The following PMEL variants were observed in gnomAD, a reference collection of about 807,000 sequenced individuals.
The protein encoded by PMEL is premelanosome protein, also known as melanocyte protein PMEL.
A neutral mutation model predicts 64.9 loss-of-function variants in PMEL; 53 were observed. That is an observed-to-expected ratio of 0.82 (90% CI 0.66 to 1.03). The LOEUF (loss-of-function observed/expected upper bound fraction) is 1.03, where lower values mean the gene tolerates loss of function less well. Ranked by LOEUF, PMEL falls within the 50% of genes least tolerant of loss-of-function variation. The probability of loss-of-function intolerance (pLI) is 0.00; values close to 1 mark genes in which losing one functional copy is unlikely to be tolerated. For synonymous variants in PMEL, 299 were observed against 316.2 expected (o/e 0.95, Z 0.58); for missense variants, 716 against 814.9 (o/e 0.88, Z 1.48).
Position 55,961,637 on chromosome 12 carries a change from G to A in PMEL, c.172C>T (p.Leu58Phe), listed in dbSNP as rs753220360. The change falls in exon 2 of 11, where the codon CTT becomes TTT. Residue 58 changes from leucine to phenylalanine, a missense_variant. Coordinates refer to ENST00000548747, the MANE Select transcript of PMEL (RefSeq NM_001384361.1). The part of the protein sequence containing the change: ...LYPEWTEAQR[L>F]DCWRGGQVSL... ...AAGTTCCTACCTCTCCAGCAGTCAA[G>A]TCTCTGGGCTTCTGTCCACTCTGGA... is the stretch of plus-strand genomic sequence containing the variant. The A allele has an allele frequency of 2.5e-6, 4 of 1,613,696 alleles. No homozygotes were observed. The South Asian group carries it at 4.4e-5, about 18-fold the overall frequency.
chr12:55,956,344 C>A, intron 6 of PMEL, 125 bp from the exon 7 acceptor site: 1 of 663,440 alleles, frequency 1.5e-6, no homozygotes, highest in Non-Finnish European at 2.7e-6. Context: ...GGCTTGGAAT[C>A]AGATAAGACC....
Position 55,957,948 on chromosome 12 carries a change from A to G in PMEL, c.606T>C (p.His202=). ...CAGTAATGGTGAAGGCTGAGCTGGA[A>G]TGAGCAAGAGGCACATAGCTCCGGG... ...RGSRSYVPLA[H]SSSAFTITDQ... Residue 202 remains histidine (H), a synonymous_variant, in exon 5 of 11, where the codon CAT becomes CAC. Transcript: ENST00000548747. 6.2e-7 allele frequency: 1 copy of G among 1,614,202 alleles called. No individual in the cohort carries two copies. The highest frequency in any genetic ancestry group is 2.2e-5 in the East Asian group (1 of 44,876).
Position 55,954,346 on chromosome 12 carries a change from G to A in PMEL, c.1854C>T (p.Arg618=). The A allele has an allele frequency of 6.2e-7, 1 of 1,614,074 alleles. No homozygotes were observed. The highest frequency in any genetic ancestry group is 8.5e-7 in the Non-Finnish European group (1 of 1,179,980). Residue 618 remains arginine (R), a synonymous_variant, in exon 11 of 11, where the codon CGC becomes CGT. Coordinates refer to ENST00000548747, the MANE Select transcript of PMEL (RefSeq NM_001384361.1). ...CGGAGAAGTCTTGCTTCATAAGTCT[G>A]CGCCTGATATTGGGAGAAGGGGTAA... is the stretch of plus-strand genomic sequence containing the variant. ...AVVLASLIYR[R]RLMKQDFSVP...
intron 6 of PMEL, 26 bp downstream of exon 6, chr12:55,956,923 A>G (rs1288633053): frequency 6.2e-7 from 1 of 1,605,904 alleles, no homozygotes; most frequent in Non-Finnish European, 8.5e-7. Context: ...CACCTCCGTG[A>G]ACCTCATTCG....
chr12:55,960,842 C>G (rs1168521342), intron 3 of PMEL, among the ~76,000 whole-genome samples: 1 of 150,418 alleles, frequency 6.6e-6, no homozygotes, highest in Non-Finnish European at 1.5e-5. Context: ...CCACCGCGCC[C>G]GGCCTTCTCT....
rs1592764926 is a variant in PMEL at position 55,955,564 on chromosome 12, C to T, written c.1662G>A (p.Leu554=). ...VLPSPACQLV[L]HQILKGGSGT... is the part of the protein sequence containing the mutation. ...CCGAGCCACCCTTCAGTATCTGGTG[C>T]AGAACCAGCTGGCAGGCTGGGCTGG... The change falls in exon 9 of 11, where the codon CTG becomes CTA. Residue 554 remains leucine, a synonymous_variant. Transcript: ENST00000548747. 1 of 1,614,074 alleles carries T rather than the reference C, an allele frequency of 6.2e-7. No individual in the cohort carries two copies. The highest frequency in any genetic ancestry group is 8.5e-7 in the Non-Finnish European group (1 of 1,180,024).
At chr12:55,958,773 G>T in intron 3 of PMEL, 166 bp from the exon 4 acceptor site, 3 of 690,320 alleles carry the variant, frequency 4.3e-6, no homozygotes, top group South Asian at 4.0e-5. Context: ...TGGGGGTTGA[G>T]GGTGTGGAAA....
intron 1 of PMEL, among the ~76,000 whole-genome samples, chr12:55,962,865 C>T (rs959434381): frequency 1.3e-5 from 2 of 150,018 alleles, no homozygotes; most frequent in African/African-American, 4.9e-5. Context: ...ATTCACATAC[C>T]ATAAAATTTA....
chr12:55,958,579 C>T lies in PMEL; in HGVS notation c.363G>A (p.Val121=). 1 of 1,614,026 alleles carries T rather than the reference C, an allele frequency of 6.2e-7. No individual in the cohort carries two copies. The highest frequency in any genetic ancestry group is 1.1e-5 in the South Asian group (1 of 91,080). The change falls in exon 4 of 11, where the codon GTG becomes GTA. Residue 121 remains valine, a synonymous_variant. Transcript: ENST00000548747. ...NGSQVWGGQP[V]YPQETDDACI... The stretch of plus-strand genomic sequence containing the variant: ...AGGCATCGTCAGTTTCCTGGGGATA[C>T]ACTGGCTGTCCTCCCCACACCTGGC...
Position 55,961,351 on chromosome 12 carries a change from C to T in PMEL, c.300G>A (p.Gly100=). ...TGGTATTGTTGACCCAGATAACCTG[C>T]CCATCTGGCAATACCTTTTGGCTTC... is the stretch of plus-strand genomic sequence containing the variant. ...FPGSQKVLPD[G]QVIWVNNTII... Residue 100 remains glycine (G), a synonymous_variant, in exon 3 of 11, where the codon GGG becomes GGA. Coordinates refer to ENST00000548747, the MANE Select transcript of PMEL (RefSeq NM_001384361.1). 6.2e-7 allele frequency: 1 copy of T among 1,614,074 alleles called. No individual in the cohort carries two copies. The highest frequency in any genetic ancestry group is 1.7e-5 in the Admixed American group (1 of 60,022).
In PMEL at chr12:55,957,738, C is replaced by G. The variant is rs915619021; in HGVS notation, c.632-67G>C. On this transcript the variant is annotated intron_variant, in intron 5 of 10. Coordinates refer to ENST00000548747, the MANE Select transcript of PMEL (RefSeq NM_001384361.1). ...ACAGCTTCTCCTTTCACAGCCACAC[C>G]CTCCAACTCCAAGCTGACTGGCTGG... 77 of 1,547,142 alleles carry G rather than the reference C, an allele frequency of 5.0e-5. 1 individual carries two copies. The African/African-American group carries it at 6.7e-4, about 13-fold the overall frequency.
At chr12:55,958,681 C>T (rs957463098) in intron 3 of PMEL, 74 bp from the exon 4 acceptor site, 3 of 1,490,622 alleles carry the variant, frequency 2.0e-6, no homozygotes, top group African/African-American at 2.8e-5. Flanking sequence ...AAAATTGCTC[C>T]CAGGGTATCA....
intron 1 of PMEL, among the ~76,000 whole-genome samples, chr12:55,963,046 A>G (rs780030522): frequency 6.6e-6 from 1 of 151,644 alleles, no homozygotes; most frequent in Non-Finnish European, 1.5e-5. Flanking sequence ...AGTTCCAGCT[A>G]CTCAGGGGGC....
At chr12:55,955,437 C>A in intron 9 of PMEL, 27 bp downstream of exon 9, 1 of 1,613,344 alleles carries the variant, frequency 6.2e-7, no homozygotes, top group Non-Finnish European at 8.5e-7. Flanking sequence ...CTCCCTTCCT[C>A]ATCTTAGCTC....
intron 3 of PMEL, among the ~76,000 whole-genome samples, chr12:55,960,006 A>G (rs1489975513): frequency 6.6e-6 from 1 of 152,078 alleles, no homozygotes; most frequent in Non-Finnish European, 1.5e-5. Flanking sequence ...CCTGGATAAC[A>G]TGGTGAAACC....
At chr12:55,959,212 T>C (rs960724514) in intron 3 of PMEL, among the ~76,000 whole-genome samples, 2 of 151,306 alleles carry the variant, frequency 1.3e-5, no homozygotes, top group Non-Finnish European at 2.9e-5. Context: ...AGACCCTGTC[T>C]CTACAAAATA....
rs1888985906 is a variant in PMEL, at chr12:55,958,544, G to GGGAA, written c.394_397dup (p.Pro133LeufsTer3). On this transcript the variant is annotated frameshift_variant, in exon 4 of 11. Coordinates refer to ENST00000548747, the MANE Select transcript of PMEL (RefSeq NM_001384361.1). LOFTEE classifies it high-confidence loss of function. ...GCCAGATGGGCAAGGTCCACCATCA[G>GGGAA]GGAAGATGCAGGCATCGTCAGTTTC... 1 of 1,613,978 alleles carries GGGAA rather than the reference G, an allele frequency of 6.2e-7. No homozygotes were observed.
intron 1 of PMEL, among the ~76,000 whole-genome samples, chr12:55,962,484 CTTAT>C (rs1372171214): frequency 4.4e-5 from 6 of 136,672 alleles, no homozygotes; most frequent in Non-Finnish European, 6.3e-5. Context: ...CAAAAAACCC[CTTAT>C]TTATTTGTTT....
At chr12:55,963,064 G>T (rs907232952) in intron 1 of PMEL, among the ~76,000 whole-genome samples, 4 of 151,868 alleles carry the variant, frequency 2.6e-5, no homozygotes, top group Non-Finnish European at 4.4e-5. Flanking sequence ...GGCTGAGGCA[G>T]GAGAATTGCT....
Sources: allele counts gnomAD v4.1 joint callset (sites outside exome capture counted in the v4.1 genomes callset), GRCh38; gene constraint gnomAD v4.1.1; transcripts MANE v1.5; gene names NCBI Gene and HGNC (gene_info 2026-07-23, HGNC 2026-07-21).